The following MVB12B variants were observed in gnomAD, a reference collection of about 807,000 sequenced individuals.
MVB12B encodes the protein ESCRT-I complex subunit MVB12B.
Under a neutral mutation model 41.6 loss-of-function variants are expected in MVB12B, and 16 were observed. The observed-to-expected ratio is 0.38, with a 90% CI of 0.26 to 0.58. The LOEUF (loss-of-function observed/expected upper bound fraction) is 0.58. Among genes scored for constraint, MVB12B ranks in the 20% least tolerant of loss-of-function variants. MVB12B has a pLI of 0.62. For synonymous variants in MVB12B, 133 were observed against 139.7 expected (o/e 0.95, Z 0.34); for missense variants, 274 against 380.2 (o/e 0.72, Z 2.32).
intron 1 of MVB12B, among the ~76,000 whole-genome samples, chr9:126,338,995 C>T (rs1368056971): frequency 6.6e-6 from 1 of 152,158 alleles, no homozygotes; most frequent in African/African-American, 2.4e-5. Flanking sequence ...GTACCCCCTG[C>T]CCTGGCCGTT....
rs140009553 is a variant in MVB12B, at chr9:126,506,826, C to T, written c.*3563C>T. 426 of 152,586 alleles carry T rather than the reference C, an allele frequency of 2.8e-3. 1 individual carries two copies. Among genetic ancestry groups the T allele is most frequent in the Non-Finnish European group, 5.2e-3 (354 of 68,094 alleles). The allele number at this position is 152,586 out of a possible 1,614,324, so 9.5% of individuals were successfully genotyped here. On this transcript the variant is annotated 3_prime_UTR_variant, in exon 10 of 10. Transcript: ENST00000361171. ...CCTCCTGCCACTCTGAGCACATGTC[C>T]GGGGGTTGCCACCAGAGACGGCTTT...
rs1834049579 is a variant in MVB12B at position 126,505,645 on chromosome 9, A to G, written c.*2382A>G. The G allele has an allele frequency of 6.8e-6, 1 of 147,902 alleles. No individual in the cohort carries two copies. Among genetic ancestry groups the G allele is most frequent in the East Asian group, 2.0e-4 (1 of 4,920 alleles). The allele number at this position is 147,902 out of a possible 1,614,324, so 9.2% of individuals were successfully genotyped here. A position where few individuals can be genotyped will look rare whatever the true frequency, so the allele number is the denominator to read the frequency against. On this transcript the variant is annotated 3_prime_UTR_variant, in exon 10 of 10. Coordinates refer to ENST00000361171, the MANE Select transcript of MVB12B (RefSeq NM_033446.3). ...GCCTTCTGAGAGGTGGGTGAGGACAAGCATGTGCCTGTGTGTGTGTGTGTG... is the reference window on the plus strand; with the variant it reads ...GCCTTCTGAGAGGTGGGTGAGGACAGGCATGTGCCTGTGTGTGTGTGTGTG...
At chr9:126,408,284 T>C in intron 6 of MVB12B, 1 of 152,228 alleles carries the variant, frequency 6.6e-6, no homozygotes, top group Non-Finnish European at 1.5e-5. Context: ...CAACTTCAAT[T>C]AGTTTGCTCT....
Position 126,397,377 on chromosome 9 carries a change from G to T in MVB12B, c.662+1680G>T, listed in dbSNP as rs1177911995. 3 of 985,356 alleles carry T rather than the reference G, an allele frequency of 3.0e-6. No individual in the cohort carries two copies. In the African/African-American group the frequency reaches 5.2e-5, roughly 17 times the overall value. 61.0% of individuals were successfully genotyped at this position (985,356 alleles called of 1,614,324 possible). A position where few individuals can be genotyped will look rare whatever the true frequency, so the allele number is the denominator to read the frequency against. On this transcript the variant is annotated intron_variant, in intron 6 of 9. Coordinates refer to ENST00000361171, the MANE Select transcript of MVB12B (RefSeq NM_033446.3). ...AGCCGAGAACACCGAGCCACCGGCA[G>T]CCTGGTGGGTTTGGAGGGTAGTGCG...
chr9:126,329,990 C>T (rs960039318), intron 1 of MVB12B, among the ~76,000 whole-genome samples: 3 of 150,130 alleles, frequency 2.0e-5, no homozygotes, highest in Admixed American at 1.3e-4. Flanking sequence ...GGCTTCCCTG[C>T]GCTGTCTGCA....
At chr9:126,462,830 G>T (rs543642668) in intron 7 of MVB12B, among the ~76,000 whole-genome samples, 1 of 152,146 alleles carries the variant, frequency 6.6e-6, no homozygotes, top group Non-Finnish European at 1.5e-5. Context: ...GCCGCCTCAC[G>T]CCCATTTCCC....
In MVB12B at chr9:126,391,864, C is replaced by T. The variant is rs768725751; in HGVS notation, c.410-202C>T. 6.6e-6 allele frequency among the ~76,000 whole-genome samples: 1 copy of T among 152,156 alleles called. No homozygotes were observed. Among genetic ancestry groups the T allele is most frequent in the Non-Finnish European group, 1.5e-5 (1 of 68,044 alleles). On this transcript the variant is annotated intron_variant, in intron 4 of 9. Transcript: ENST00000361171. This position sits in a 1 kb window ranked among gnomAD's most constrained non-coding sequence, Gnocchi z 4.4. ...TGGTCCCCTTCTCAGCAGGGGGTGT[C>T]TGGGTTGGGTCCCACATGCAGAGCA... is the stretch of plus-strand genomic sequence containing the variant.
At chr9:126,472,710 A>G (rs1833341268) in intron 7 of MVB12B, among the ~76,000 whole-genome samples, 1 of 152,154 alleles carries the variant, frequency 6.6e-6, no homozygotes, top group South Asian at 2.1e-4. Flanking sequence ...GCTGATTTCT[A>G]TGTACTGGCA....
chr9:126,407,260 G>A (rs780746553), intron 6 of MVB12B, among the ~76,000 whole-genome samples: 5 of 152,124 alleles, frequency 3.3e-5, no homozygotes, highest in Admixed American at 1.3e-4. Context: ...GGATGTGCCC[G>A]TAGTCACCAA....
chr9:126,418,077 G>A (rs2119079059), intron 6 of MVB12B, among the ~76,000 whole-genome samples: 1 of 152,188 alleles, frequency 6.6e-6, no homozygotes, highest in East Asian at 1.9e-4. Context: ...TGCCGGGGAT[G>A]TGTAAGTGTA....
At chr9:126,390,299 T>A (rs186630219) in intron 4 of MVB12B, among the ~76,000 whole-genome samples, 1 of 152,264 alleles carries the variant, frequency 6.6e-6, no homozygotes, top group East Asian at 1.9e-4. Context: ...CCAACCCACA[T>A]CCCTGTGGGG....
intron 2 of MVB12B, among the ~76,000 whole-genome samples, chr9:126,372,886 G>A (rs1426538211): frequency 6.6e-6 from 1 of 152,182 alleles, no homozygotes; most frequent in Non-Finnish European, 1.5e-5. Context: ...AGATGCGAGA[G>A]GGAGCAACAC....
intron 2 of MVB12B, among the ~76,000 whole-genome samples, chr9:126,363,046 G>A (rs1030437271): frequency 1.2e-4 from 18 of 152,084 alleles, no homozygotes; most frequent in African/African-American, 4.3e-4. Context: ...CATTAGCTGG[G>A]TGTAGTGGCG....
At chr9:126,338,346 G>T (rs1346189463) in intron 1 of MVB12B, among the ~76,000 whole-genome samples, 2 of 152,382 alleles carry the variant, frequency 1.3e-5, no homozygotes, top group East Asian at 3.9e-4. Flanking sequence ...TGTGGGAGCA[G>T]CATGGCTTCT....
intron 6 of MVB12B, among the ~76,000 whole-genome samples, chr9:126,407,882 G>C (rs765159075): frequency 6.6e-6 from 1 of 152,164 alleles, no homozygotes; most frequent in Non-Finnish European, 1.5e-5. Context: ...CCTGACTTCA[G>C]ATCCCACTGG....
chr9:126,461,834 A>T (rs1192660630), intron 7 of MVB12B, among the ~76,000 whole-genome samples: 1 of 117,408 alleles, frequency 8.5e-6, no homozygotes, highest in Non-Finnish European at 1.8e-5. Flanking sequence ...CAGCGCTGGG[A>T]GGGGGTCGGT....
chr9:126,406,058 T>A (rs1388826122), intron 6 of MVB12B, among the ~76,000 whole-genome samples: 1 of 151,480 alleles, frequency 6.6e-6, no homozygotes, highest in Admixed American at 6.6e-5. Context: ...GGGGTTTTTT[T>A]TTTTGAGACG....
At position 126,505,072 on chromosome 9, in the gene MVB12B, G is replaced by T; in HGVS notation, c.*1809G>T. The T allele has an allele frequency of 6.6e-6, 1 of 152,422 alleles. No individual in the cohort carries two copies. The allele number at this position is 152,422 out of a possible 1,614,324, so 9.4% of individuals were successfully genotyped here. A position where few individuals can be genotyped will look rare whatever the true frequency, so the allele number is the denominator to read the frequency against. The stretch of plus-strand genomic sequence containing the variant: ...GGCAGGTGGGGGCAGCAGGAGGGCA[G>T]AGGGCAGAGCTCTGGCCACTTCTGC... On this transcript the variant is annotated 3_prime_UTR_variant, in exon 10 of 10. Coordinates refer to ENST00000361171, the MANE Select transcript of MVB12B (RefSeq NM_033446.3).
chr9:126,340,952 A>G lies in MVB12B; in HGVS notation c.204+322A>G, dbSNP rs952534537. ...CTATGAACGACTCCTGGTGGTTTTC[A>G]TATATTGTCATGCATGTGTAAATAT... On this transcript the variant is annotated intron_variant, in intron 2 of 9. Transcript: ENST00000361171. This position sits in a 1 kb window ranked among gnomAD's most constrained non-coding sequence, Gnocchi z 4.0. Among the ~76,000 whole-genome samples, 13 of 152,346 alleles carry G rather than the reference A, an allele frequency of 8.5e-5. No individual in the cohort carries two copies. Among genetic ancestry groups the G allele is most frequent in the African/African-American group, 2.6e-4 (11 of 41,590 alleles).
Sources: gnomAD v4.1 joint callset for allele counts (sites outside exome capture counted in the v4.1 genomes callset) on GRCh38, gnomAD v4.1.1 for gene constraint, Gnocchi (gnomAD v3.1) non-coding constraint, MANE v1.5 for transcripts, NCBI Gene and HGNC (gene_info 2026-07-23, HGNC 2026-07-21) for gene names.